EBF1: variants seen among roughly 807,000 people sequenced by gnomAD.
EBF1 encodes the protein transcription factor COE1.
EBF1 carries 10 observed loss-of-function variants against 68.4 expected under a neutral mutation model. That is an observed-to-expected ratio of 0.15 (90% CI 0.09 to 0.25). EBF1 has a LOEUF of 0.25. Ranked by LOEUF, EBF1 falls within the 10% of genes least tolerant of loss-of-function variation. The pLI is 1.00. For missense variants in EBF1, 509 were observed against 794.4 expected (o/e 0.64, Z 4.32); for synonymous variants, 298 against 299.8 (o/e 0.99, Z 0.06).
At chr5:158,700,691 T>C (rs752341503) in intron 15 of EBF1, among the ~76,000 whole-genome samples, 2 of 151,276 alleles carry the variant, frequency 1.3e-5, no homozygotes, top group Non-Finnish European at 2.9e-5. Flanking sequence ...ACTTTTTCCG[T>C]TAATTTTTAA....
chr5:158,709,696 T>A (rs1241394584), intron 14 of EBF1, among the ~76,000 whole-genome samples: 1 of 152,216 alleles, frequency 6.6e-6, no homozygotes, highest in Non-Finnish European at 1.5e-5. Flanking sequence ...TCCTCAGAGT[T>A]TTCACAAACA....
intron 8 of EBF1, among the ~76,000 whole-genome samples, chr5:158,815,271 TTTATTG>T (rs1783489430): frequency 6.6e-6 from 1 of 152,148 alleles, no homozygotes; most frequent in African/African-American, 2.4e-5. Context: ...TCAGGGAATG[TTTATTG>T]TTATTATTCT....
chr5:158,741,253 C>T (rs1454794818), intron 10 of EBF1, among the ~76,000 whole-genome samples: 1 of 152,046 alleles, frequency 6.6e-6, no homozygotes, highest in African/African-American at 2.4e-5. Flanking sequence ...TGAAAACCAG[C>T]TTTGCAAAGA....
chr5:158,755,486 T>G (rs1414894030), intron 10 of EBF1, among the ~76,000 whole-genome samples: 1 of 152,196 alleles, frequency 6.6e-6, no homozygotes, highest in Non-Finnish European at 1.5e-5. Context: ...TACCACACTT[T>G]GCACATAGTT....
chr5:159,017,331 G>C (rs556539999), intron 6 of EBF1, among the ~76,000 whole-genome samples: 2 of 152,286 alleles, frequency 1.3e-5, no homozygotes, highest in South Asian at 4.1e-4. Flanking sequence ...CTTAAAATCT[G>C]ATTTCACAAT....
rs562242890 is a variant in EBF1 at position 158,770,173 on chromosome 5, C to T, written c.1036+7240G>A. 5.3e-4 allele frequency among the ~76,000 whole-genome samples: 81 copies of T among 152,146 alleles called. 1 individual carries two copies. The highest frequency in any genetic ancestry group is 1.0e-3 in the Non-Finnish European group (71 of 67,976). On this transcript the variant is annotated intron_variant, in intron 10 of 15. Coordinates refer to ENST00000313708, the MANE Select transcript of EBF1 (RefSeq NM_024007.5). The stretch of plus-strand genomic sequence containing the variant: ...CAGAAAAGTGATGGCCCTACCATCC[C>T]TTAAGTTGAGGGAGACAAAAATCTA...
intron 11 of EBF1, among the ~76,000 whole-genome samples, chr5:158,719,375 T>C (rs1761451583): frequency 6.6e-6 from 1 of 152,186 alleles, no homozygotes; most frequent in Non-Finnish European, 1.5e-5. Flanking sequence ...TCTTAGGCCC[T>C]TGGAAATAGT....
chr5:159,011,652 C>T (rs2127681923), intron 6 of EBF1, among the ~76,000 whole-genome samples: 1 of 152,296 alleles, frequency 6.6e-6, no homozygotes, highest in South Asian at 2.1e-4. Context: ...TTACCTCCTG[C>T]ATCAAGAAAC....
chr5:158,856,338 T>A (rs963883621), intron 6 of EBF1, among the ~76,000 whole-genome samples: 25 of 152,210 alleles, frequency 1.6e-4, no homozygotes, highest in African/African-American at 7.2e-5. Flanking sequence ...ATTTTTGATA[T>A]GGAAGGCTCT....
intron 6 of EBF1, among the ~76,000 whole-genome samples, chr5:159,031,178 AAAAAG>A (rs60616351): frequency 0.061 from 9,314 of 152,198 alleles, 894 homozygotes; most frequent in African/African-American, 0.21. Flanking sequence ...CGTCTCAAAA[AAAAAG>A]AAAAGAAAAG....
chr5:159,065,618 G>C (rs759969255), intron 6 of EBF1, among the ~76,000 whole-genome samples: 1 of 151,824 alleles, frequency 6.6e-6, no homozygotes, highest in Non-Finnish European at 1.5e-5. Flanking sequence ...AAAAGTTCTT[G>C]AGGGATTCTT....
intron 11 of EBF1, among the ~76,000 whole-genome samples, chr5:158,725,971 C>T (rs1581355822): frequency 6.6e-6 from 1 of 152,080 alleles, no homozygotes; most frequent in South Asian, 2.1e-4. Context: ...ATGTGTTGTT[C>T]TTAAAAGGCA....
chr5:159,097,519 A>T, intron 1 of EBF1: 1 of 256,310 alleles, frequency 3.9e-6, no homozygotes, highest in Non-Finnish European at 7.5e-6. Context: ...ATATTCCGGC[A>T]CCCCTCGAAT....
intron 8 of EBF1, among the ~76,000 whole-genome samples, chr5:158,808,468 A>G (rs1782001512): frequency 1.3e-5 from 2 of 152,046 alleles, no homozygotes; most frequent in South Asian, 4.1e-4. Flanking sequence ...TTCTAGCCTC[A>G]TTTTCAGCCT....
chr5:158,818,666 G>A (rs961037631), intron 8 of EBF1, among the ~76,000 whole-genome samples: 4 of 152,112 alleles, frequency 2.6e-5, no homozygotes, highest in African/African-American at 4.8e-5. Flanking sequence ...GCACATTTAT[G>A]TTTTATGTTG....
chr5:158,983,938 G>T (rs1360466661), intron 6 of EBF1, among the ~76,000 whole-genome samples: 2 of 149,610 alleles, frequency 1.3e-5, no homozygotes, highest in African/African-American at 4.9e-5. Flanking sequence ...GTGTGTGTGT[G>T]TGTAACCAAA....
chr5:159,079,642 C>T (rs534780589), intron 5 of EBF1, among the ~76,000 whole-genome samples: 6 of 138,156 alleles, frequency 4.3e-5, no homozygotes, highest in Admixed American at 7.9e-5. Flanking sequence ...TGTGGAGTCT[C>T]GCTCTGTCAC....
intron 6 of EBF1, among the ~76,000 whole-genome samples, chr5:158,991,852 A>G (rs1338696058): frequency 6.6e-6 from 1 of 152,208 alleles, no homozygotes; most frequent in Non-Finnish European, 1.5e-5. Flanking sequence ...GCACAATGCA[A>G]GAGCTGAACA....
intron 11 of EBF1, among the ~76,000 whole-genome samples, chr5:158,724,482 T>G (rs1762586473): frequency 1.3e-5 from 2 of 152,330 alleles, no homozygotes; most frequent in South Asian, 2.1e-4. Context: ...GTATTTTCAC[T>G]GATGCAACTG....
Sources: allele counts gnomAD v4.1 joint callset (sites outside exome capture counted in the v4.1 genomes callset), GRCh38; gene constraint gnomAD v4.1.1; transcripts MANE v1.5; gene names NCBI Gene and HGNC (gene_info 2026-07-23, HGNC 2026-07-21).